The following AUTS2 variants were observed in gnomAD, a reference collection of about 807,000 sequenced individuals.
AUTS2 encodes the protein activator of transcription and developmental regulator AUTS2, also known as autism susceptibility gene 2 protein.
Under a neutral mutation model 112.4 loss-of-function variants are expected in AUTS2, and 17 were observed. The ratio of observed to expected loss-of-function variants is 0.15; its 90% CI spans 0.10 to 0.23. The LOEUF (loss-of-function observed/expected upper bound fraction) is 0.23, where lower values mean the gene tolerates loss of function less well. Among genes scored for constraint, AUTS2 ranks in the 10% least tolerant of loss-of-function variants. AUTS2 has a pLI of 1.00. For missense variants in AUTS2, 1,510 were observed against 1,701.6 expected (o/e 0.89, Z 1.98); for synonymous variants, 751 against 702.7 (o/e 1.07, Z -1.09).
At chr7:70,175,631 C>T (rs1234868431) in intron 4 of AUTS2, among the ~76,000 whole-genome samples, 1 of 152,152 alleles carries the variant, frequency 6.6e-6, no homozygotes. Flanking sequence ...TCTGATCAGT[C>T]AGCAACCATC....
At chr7:70,138,973 CT>C (rs1287897075) in intron 4 of AUTS2, among the ~76,000 whole-genome samples, 5 of 152,014 alleles carry the variant, frequency 3.3e-5, no homozygotes, top group Non-Finnish European at 5.9e-5. Flanking sequence ...ATAACTTCTT[CT>C]TTTTTCTTTT....
chr7:70,697,087 A>G (rs1002729350), intron 5 of AUTS2, among the ~76,000 whole-genome samples: 2 of 152,136 alleles, frequency 1.3e-5, no homozygotes, highest in South Asian at 2.1e-4. Flanking sequence ...TGGCTTTATA[A>G]CTCACTATTC....
chr7:70,659,598 C>G (rs1806960035), intron 5 of AUTS2, among the ~76,000 whole-genome samples: 2 of 152,026 alleles, frequency 1.3e-5, no homozygotes, highest in Admixed American at 1.3e-4. Context: ...TGCAGGGGTT[C>G]AAGTTATGGA....
At chr7:69,865,480 G>A (rs937238304) in intron 1 of AUTS2, among the ~76,000 whole-genome samples, 1 of 152,142 alleles carries the variant, frequency 6.6e-6, no homozygotes, top group Non-Finnish European at 1.5e-5. Context: ...GATGTTGACA[G>A]GGATGAAATC....
At chr7:70,715,628 C>G (rs188330201) in intron 6 of AUTS2, among the ~76,000 whole-genome samples, 2 of 152,070 alleles carry the variant, frequency 1.3e-5, no homozygotes, top group Admixed American at 1.3e-4. Context: ...GCCTCCTGGA[C>G]TCTAGTGATT....
At chr7:69,707,393 A>G (rs1433709599) in intron 1 of AUTS2, among the ~76,000 whole-genome samples, 1 of 152,222 alleles carries the variant, frequency 6.6e-6, no homozygotes, top group Non-Finnish European at 1.5e-5. Context: ...AGCTTATTAC[A>G]GAACTCAGAG....
chr7:70,304,458 G>A (rs1374126728), intron 4 of AUTS2, among the ~76,000 whole-genome samples: 2 of 152,172 alleles, frequency 1.3e-5, no homozygotes, highest in Non-Finnish European at 2.9e-5. Flanking sequence ...ACTGGAGGCC[G>A]TGGCAGTGTC....
intron 5 of AUTS2, among the ~76,000 whole-genome samples, chr7:70,680,985 C>T (rs537685935): frequency 6.6e-6 from 1 of 152,322 alleles, no homozygotes; most frequent in Admixed American, 6.5e-5. Context: ...CAGATGCTCC[C>T]TACATTTTTT....
At chr7:70,255,804 A>T (rs1216675075) in intron 4 of AUTS2, among the ~76,000 whole-genome samples, 1 of 152,248 alleles carries the variant, frequency 6.6e-6, no homozygotes, top group Non-Finnish European at 1.5e-5. Flanking sequence ...TGTGTTGTTA[A>T]AACTAAAAAT....
At chr7:70,628,587 C>G (rs988406675) in intron 5 of AUTS2, among the ~76,000 whole-genome samples, 2 of 151,900 alleles carry the variant, frequency 1.3e-5, no homozygotes, top group Non-Finnish European at 2.9e-5. Flanking sequence ...CCCCTCCCCC[C>G]CAAAAAATCC....
chr7:70,197,539 G>A (rs1373437693), intron 4 of AUTS2, among the ~76,000 whole-genome samples: 1 of 126,284 alleles, frequency 7.9e-6, no homozygotes, highest in Admixed American at 8.3e-5. Flanking sequence ...GGAAGCGCAA[G>A]GGGTCAGGGA....
At chr7:70,090,767 C>T (rs1803873272) in intron 2 of AUTS2, among the ~76,000 whole-genome samples, 1 of 151,660 alleles carries the variant, frequency 6.6e-6, no homozygotes, top group African/African-American at 2.4e-5. Flanking sequence ...CCGCCTTCGC[C>T]TCTTGGGTTC....
chr7:69,964,008 C>G (rs777217176), intron 2 of AUTS2, among the ~76,000 whole-genome samples: 1 of 152,112 alleles, frequency 6.6e-6, no homozygotes, highest in East Asian at 1.9e-4. Flanking sequence ...AAGTAATGTT[C>G]TAGACTCATG....
intron 1 of AUTS2, among the ~76,000 whole-genome samples, chr7:69,653,041 TTGCAGTG>T (rs1373028661): frequency 2.6e-5 from 4 of 152,226 alleles, no homozygotes; most frequent in Admixed American, 2.0e-4. Flanking sequence ...CTAACTCATA[TTGCAGTG>T]TATCTGGCTG....
intron 1 of AUTS2, among the ~76,000 whole-genome samples, chr7:69,665,068 G>A (rs2129147354): frequency 6.6e-6 from 1 of 152,204 alleles, no homozygotes; most frequent in African/African-American, 2.4e-5. Flanking sequence ...GGTAAAACAG[G>A]GTTGGTAAAA....
At chr7:69,784,770 A>G (rs914249170) in intron 1 of AUTS2, among the ~76,000 whole-genome samples, 4 of 152,202 alleles carry the variant, frequency 2.6e-5, no homozygotes, top group South Asian at 2.1e-4. Context: ...GGAAGAAGAA[A>G]GAGGAGGCAT....
chr7:70,038,707 C>T (rs1433400463), intron 2 of AUTS2, among the ~76,000 whole-genome samples: 1 of 152,088 alleles, frequency 6.6e-6, no homozygotes, highest in African/African-American at 2.4e-5. Context: ...CAAGCTCCAT[C>T]TCTTAAAAAG....
chr7:70,610,528 T>C (rs1204751709), intron 5 of AUTS2, among the ~76,000 whole-genome samples: 2 of 144,246 alleles, frequency 1.4e-5, no homozygotes, highest in Non-Finnish European at 3.0e-5. Context: ...CTCAACCTCC[T>C]GGGCTCAGGC....
At chr7:70,094,217 A>T (rs986078116) in intron 2 of AUTS2, among the ~76,000 whole-genome samples, 2 of 152,152 alleles carry the variant, frequency 1.3e-5, no homozygotes, top group African/African-American at 2.4e-5. Flanking sequence ...ATCTAGGGGG[A>T]ATTATGTATG....
Sources: gnomAD v4.1 joint callset for allele counts (sites outside exome capture counted in the v4.1 genomes callset) on GRCh38, gnomAD v4.1.1 for gene constraint, MANE v1.5 for transcripts, NCBI Gene and HGNC (gene_info 2026-07-23, HGNC 2026-07-21) for gene names.